Variants in SLC8B1 observed in about 807,000 individuals in gnomAD.
SLC8B1 encodes mitochondrial sodium/calcium exchanger protein.
SLC8B1 carries 52 observed loss-of-function variants against 63.4 expected under a neutral mutation model. That is an observed-to-expected ratio of 0.82 (90% CI 0.66 to 1.03). SLC8B1 has a LOEUF of 1.03. Ranked by LOEUF, SLC8B1 falls within the 50% of genes least tolerant of loss-of-function variation. The pLI, the probability that SLC8B1 is intolerant of heterozygous loss-of-function variation, is 0.00. For missense variants in SLC8B1, 657 were observed against 741.7 expected (o/e 0.89, Z 1.33); for synonymous variants, 336 against 323.9 (o/e 1.04, Z -0.40).
chr12:113,300,101 A>G (rs1593232554), intron 15 of SLC8B1, 127 bp from the exon 16 acceptor site: 1 of 696,506 alleles, frequency 1.4e-6, no homozygotes, highest in South Asian at 1.8e-5. Context: ...CTCAGCAACA[A>G]TGCAGCCTCA....
Position 113,327,735 on chromosome 12 carries a change from C to T in SLC8B1, c.156+4988G>A, listed in dbSNP as rs1231303114. 4.6e-5 allele frequency among the ~76,000 whole-genome samples: 7 copies of T among 150,806 alleles called. No individual in the cohort carries two copies. The South Asian group carries it at 6.3e-4, about 14-fold the overall frequency. ...CGGTGGGTCACACCTGTAATCCCAGCACTTTGGGAGGCCAAGGCAGGTGGA... is the reference window on the plus strand; with the variant it reads ...CGGTGGGTCACACCTGTAATCCCAGTACTTTGGGAGGCCAAGGCAGGTGGA... On this transcript the variant is annotated intron_variant, in intron 2 of 15. Coordinates refer to ENST00000680972, the MANE Select transcript of SLC8B1 (RefSeq NM_001358345.2).
chr12:113,304,315 A>T lies in SLC8B1; in HGVS notation c.1557+6T>A. 1 of 1,613,672 alleles carries T rather than the reference A, an allele frequency of 6.2e-7. No individual in the cohort carries two copies. Among genetic ancestry groups the T allele is most frequent in the Non-Finnish European group, 8.5e-7 (1 of 1,179,686 alleles). ...ATACACTTGTAAACTTACAAGGAAT[A>T]CTCACCTTCACTTCTGTGTGGCTTC... On this transcript the variant is annotated splice_donor_region_variant and intron_variant, in intron 15 of 15. Coordinates refer to ENST00000680972, the MANE Select transcript of SLC8B1 (RefSeq NM_001358345.2).
chr12:113,302,571 C>T (rs1174404580), intron 15 of SLC8B1: 3 of 452,836 alleles, frequency 6.6e-6, no homozygotes, highest in African/African-American at 2.0e-5. Context: ...ACTGAAATGT[C>T]CCCTCCCCGC....
chr12:113,316,854 G>A, intron 9 of SLC8B1, 88 bp downstream of exon 9: 1 of 1,525,120 alleles, frequency 6.6e-7, no homozygotes, highest in African/African-American at 1.4e-5. Flanking sequence ...CCTCATTCCT[G>A]GAGCCCAGGT....
At position 113,331,693 on chromosome 12, in the gene SLC8B1, G is replaced by A. The variant is rs181297273; in HGVS notation, c.156+1030C>T. ...TTTTGGGACTCAGACTGACCTCCTCGCTCTTCAGCTTGCAGATGACCTATT... is the reference window on the plus strand; with the variant it reads ...TTTTGGGACTCAGACTGACCTCCTCACTCTTCAGCTTGCAGATGACCTATT... On this transcript the variant is annotated intron_variant, in intron 2 of 15. Coordinates refer to ENST00000680972, the MANE Select transcript of SLC8B1 (RefSeq NM_001358345.2). 1.4e-4 allele frequency among the ~76,000 whole-genome samples: 22 copies of A among 152,126 alleles called. No individual in the cohort carries two copies. In the East Asian group the frequency reaches 4.1e-3, roughly 28 times the overall value.
intron 3 of SLC8B1, 30 bp from the exon 4 acceptor site, chr12:113,321,138 G>A (rs1956921418): frequency 1.9e-6 from 3 of 1,614,028 alleles, no homozygotes; most frequent in Non-Finnish European, 2.5e-6. Context: ...GGAAGGGAGA[G>A]TCAAGTCCAG....
At chr12:113,326,248 G>C (rs987822733) in intron 2 of SLC8B1, among the ~76,000 whole-genome samples, 1 of 152,242 alleles carries the variant, frequency 6.6e-6, no homozygotes, top group African/African-American at 2.4e-5. Context: ...TGTACAATCT[G>C]TGGCTACTCA....
intron 8 of SLC8B1, 56 bp from the exon 9 acceptor site, chr12:113,317,057 A>G (rs1183333198): frequency 4.7e-6 from 7 of 1,501,298 alleles, no homozygotes; most frequent in Non-Finnish European, 5.5e-6. Flanking sequence ...GAGGGGGCAC[A>G]CTGGGACAGA....
Position 113,307,773 on chromosome 12 carries a change from G to A in SLC8B1, c.1329C>T (p.Ile443=). Reference sequence around the variant, plus strand: ...GGAAGACCACACCCAGGGACCGCAAGATGTTCACCACCTCTGTGGCGGCCG... The same window carrying A: ...GGAAGACCACACCCAGGGACCGCAAAATGTTCACCACCTCTGTGGCGGCCG... ...INAAATEVVN[I]LRSLGVVFRL... Residue 443 remains isoleucine (I), a synonymous_variant, in exon 13 of 16, where the codon ATC becomes ATT. Transcript: ENST00000680972. The A allele has an allele frequency of 6.2e-7, 1 of 1,613,972 alleles. No homozygotes were observed. The highest frequency in any genetic ancestry group is 8.5e-7 in the Non-Finnish European group (1 of 1,180,046).
Position 113,299,041 on chromosome 12 carries a change from A to G in SLC8B1, c.*736T>C, listed in dbSNP as rs1036663195. ...CTGGAGGAGCCCAGGTTCCAGCACA[A>G]AGGAGTCTGTGGACAGGCAGGGGCA... On this transcript the variant is annotated 3_prime_UTR_variant, in exon 16 of 16. Transcript: ENST00000680972. 6 of 152,394 alleles carry G rather than the reference A, an allele frequency of 3.9e-5. No individual in the cohort carries two copies. Among genetic ancestry groups the G allele is most frequent in the Non-Finnish European group, 5.9e-5 (4 of 68,240 alleles). The allele number at this position is 152,394 out of a possible 1,614,324, so 9.4% of individuals were successfully genotyped here.
At chr12:113,321,858 AGTGC>A (rs1482161865) in intron 2 of SLC8B1, among the ~76,000 whole-genome samples, 2 of 152,122 alleles carry the variant, frequency 1.3e-5, no homozygotes, top group East Asian at 3.9e-4. Context: ...TGCAAAGCAT[AGTGC>A]TAAGAGCTTA....
At chr12:113,322,903 T>C (rs1956950443) in intron 2 of SLC8B1, among the ~76,000 whole-genome samples, 1 of 152,150 alleles carries the variant, frequency 6.6e-6, no homozygotes, top group Non-Finnish European at 1.5e-5. Context: ...AGAGCTATGA[T>C]TGTACCACTG....
chr12:113,307,367 C>A (rs1026352961), intron 13 of SLC8B1, among the ~76,000 whole-genome samples: 7 of 152,090 alleles, frequency 4.6e-5, no homozygotes, highest in African/African-American at 1.7e-4. Flanking sequence ...AGTGTGAATG[C>A]CTGCATGTCA....
chr12:113,327,605 C>T (rs997297509), intron 2 of SLC8B1, among the ~76,000 whole-genome samples: 3 of 151,514 alleles, frequency 2.0e-5, no homozygotes, highest in African/African-American at 7.3e-5. Flanking sequence ...TAACTTGAAC[C>T]CGGGAGGCGG....
At chr12:113,312,314 A>G (rs928945794) in intron 11 of SLC8B1, among the ~76,000 whole-genome samples, 6 of 152,082 alleles carry the variant, frequency 3.9e-5, no homozygotes, top group Non-Finnish European at 2.9e-5. Context: ...CGCACCTGTA[A>G]TCCCAGCTAC....
intron 7 of SLC8B1, among the ~76,000 whole-genome samples, chr12:113,319,504 C>T (rs901353640): frequency 2.2e-4 from 33 of 152,150 alleles, no homozygotes; most frequent in Admixed American, 2.2e-3. Context: ...GCTTGCAACC[C>T]TCTTCAGTAT....
In SLC8B1 at chr12:113,319,030, G is replaced by A. The variant is rs115521155; in HGVS notation, c.736C>T (p.Leu246Phe). The A allele has an allele frequency of 3.1e-6, 5 of 1,614,072 alleles. No homozygotes were observed. Among genetic ancestry groups the A allele is most frequent in the Non-Finnish European group, 4.2e-6 (5 of 1,179,974 alleles). ...TGCCGTTGGTAGATCCAGGTGCAGA[G>A]AATCACAGTGACCACATAGAACACA... ...LYVFYVVTVILCTWIYQRQRR... is the reference protein window; with the variant it reads ...LYVFYVVTVIFCTWIYQRQRR... The change falls in exon 8 of 16, where the codon CTC becomes TTC. Residue 246 changes from leucine to phenylalanine, a missense_variant. Leu to Phe is a conservative substitution (Grantham distance 22). Transcript: ENST00000680972.
At chr12:113,308,037 C>G (rs1956700313) in intron 12 of SLC8B1, 193 bp from the exon 13 acceptor site, 1 of 658,896 alleles carries the variant, frequency 1.5e-6, no homozygotes. Context: ...ATATTATTTT[C>G]TTTTTTCCTT....
At chr12:113,311,457 A>C (rs540172540) in intron 11 of SLC8B1, among the ~76,000 whole-genome samples, 1 of 151,934 alleles carries the variant, frequency 6.6e-6, no homozygotes. Flanking sequence ...CTCAAAAAAA[A>C]AAACAAAAAC....
Sources: gnomAD v4.1 joint callset for allele counts (sites outside exome capture counted in the v4.1 genomes callset) on GRCh38, gnomAD v4.1.1 for gene constraint, MANE v1.5 for transcripts, NCBI Gene and HGNC (gene_info 2026-07-23, HGNC 2026-07-21) for gene names.